Variants in SLC22A14 observed in about 807,000 individuals in gnomAD.
SLC22A14 encodes the protein solute carrier family 22 member 14, also known as organic cation transporter-like 4.
Under a neutral mutation model 53.9 loss-of-function variants are expected in SLC22A14, and 50 were observed. The ratio of observed to expected loss-of-function variants is 0.93; its 90% CI spans 0.74 to 1.17. The LOEUF (loss-of-function observed/expected upper bound fraction) is 1.17. SLC22A14 is among the 50% of genes most tolerant of loss of function. The pLI, the probability that SLC22A14 is intolerant of heterozygous loss-of-function variation, is 0.00. For missense variants in SLC22A14, 671 were observed against 734.7 expected (o/e 0.91, Z 1.00); for synonymous variants, 312 against 303.0 (o/e 1.03, Z -0.31).
Position 38,316,465 on chromosome 3 carries a change from G to C in SLC22A14, c.1674G>C (p.Leu558=), listed in dbSNP as rs778619718. 1 of 1,614,108 alleles carries C rather than the reference G, an allele frequency of 6.2e-7. No homozygotes were observed. Among genetic ancestry groups the C allele is most frequent in the Non-Finnish European group, 8.5e-7 (1 of 1,179,988 alleles). ...TCGTGGCCTTTTCCCTCTCCTCCCT[G>C]CTGCCGGAAACGCGAGATCAGCCCC... The part of the protein sequence containing the change: ...LAIVAFSLSS[L]LPETRDQPLS... The change falls in exon 10 of 11, where the codon CTG becomes CTC. Residue 558 remains leucine, a synonymous_variant. Transcript: ENST00000448498.
chr3:38,306,059 C>G lies in SLC22A14; in HGVS notation c.33C>G (p.Leu11=). 1.2e-6 allele frequency: 2 copies of G among 1,613,662 alleles called. No homozygotes were observed. The highest frequency in any genetic ancestry group is 1.7e-6 in the Non-Finnish European group (2 of 1,179,758). ...GAGAGGAGAACTTCAAGGAAGAGCT[C>G]AGATCCCAGGATGCTTCCAGGAACT... MAGEENFKEE[L]RSQDASRNLN... is the part of the protein sequence containing the mutation. The change falls in exon 2 of 11, where the codon CTC becomes CTG. Residue 11 remains leucine (L), a synonymous_variant. Transcript: ENST00000448498.
At chr3:38,316,019 T>C (rs956600842) in intron 9 of SLC22A14, among the ~76,000 whole-genome samples, 11 of 152,190 alleles carry the variant, frequency 7.2e-5, no homozygotes, top group African/African-American at 2.7e-4. Flanking sequence ...TGGAAAGTGT[T>C]TGGGCCACTT....
chr3:38,314,369 C>A lies in SLC22A14; in HGVS notation c.1378+428C>A, dbSNP rs368769573. On this transcript the variant is annotated intron_variant, in intron 8 of 10. Coordinates refer to ENST00000448498, the MANE Select transcript of SLC22A14 (RefSeq NM_001320033.2). ...TTCCCTGTAGCTTCACCAGGAATAA[C>A]CTGACCACTGAAAAATTGAGTGTAA... Among the ~76,000 whole-genome samples, 27 of 152,342 alleles carry A rather than the reference C, an allele frequency of 1.8e-4. 2 individuals are homozygous for A. The highest frequency in any genetic ancestry group is 1.4e-3 in the Admixed American group (22 of 15,306).
chr3:38,315,121 C>A (rs1403798750), intron 8 of SLC22A14, among the ~76,000 whole-genome samples: 2 of 152,254 alleles, frequency 1.3e-5, no homozygotes, highest in African/African-American at 4.8e-5. Context: ...CCATTCAGGC[C>A]CCAGGAACCA....
rs1217503373 is a variant in SLC22A14, at chr3:38,307,234, T to C, written c.517-20T>C. On this transcript the variant is annotated intron_variant, in intron 2 of 10. Transcript: ENST00000448498. This position sits in a 1 kb window ranked among gnomAD's most constrained non-coding sequence, Gnocchi z 4.4. Reference sequence around the variant, plus strand: ...CCCAAAGGTGGGCACCCGTGGCCAATCTCTGTGTCTGACCCACAGTTTGAC... The same window carrying C: ...CCCAAAGGTGGGCACCCGTGGCCAACCTCTGTGTCTGACCCACAGTTTGAC... 1 of 1,588,936 alleles carries C rather than the reference T, an allele frequency of 6.3e-7. No individual in the cohort carries two copies. The highest frequency in any genetic ancestry group is 2.2e-5 in the East Asian group (1 of 44,746).
At chr3:38,313,554 T>C (rs1047044120) in intron 7 of SLC22A14, 69 bp downstream of exon 7, 1 of 1,216,728 alleles carries the variant, frequency 8.2e-7, no homozygotes, top group African/African-American at 1.5e-5. Flanking sequence ...AGGGAGAGGA[T>C]GGGAATGGTC....
Position 38,312,463 on chromosome 3 carries a change from G to A in SLC22A14, c.945-536G>A, listed in dbSNP as rs575406310. Among the ~76,000 whole-genome samples, 231 of 152,340 alleles carry A rather than the reference G, an allele frequency of 1.5e-3. 6 individuals carry two copies. In the South Asian group the frequency reaches 0.035, roughly 23 times the overall value. The stretch of plus-strand genomic sequence containing the variant: ...AAGTCAAAGGCAATAGAGATGTGGC[G>A]GGGGAGAGATGGGACAGAGTAGAGA... On this transcript the variant is annotated intron_variant, in intron 5 of 10. Coordinates refer to ENST00000448498, the MANE Select transcript of SLC22A14 (RefSeq NM_001320033.2).
At chr3:38,302,202 C>T (rs1236295563) in intron 1 of SLC22A14, among the ~76,000 whole-genome samples, 1 of 146,024 alleles carries the variant, frequency 6.8e-6, no homozygotes, top group Non-Finnish European at 1.5e-5. Context: ...TCACTGCACT[C>T]CAGGCTGGGT....
chr3:38,299,858 G>T (rs955435323), intron 1 of SLC22A14, among the ~76,000 whole-genome samples: 4 of 152,204 alleles, frequency 2.6e-5, no homozygotes, highest in African/African-American at 9.7e-5. Context: ...CACTGCACCA[G>T]TTCTAGTATT....
chr3:38,283,224 A>G (rs184052730), intron 1 of SLC22A14, among the ~76,000 whole-genome samples: 3 of 152,270 alleles, frequency 2.0e-5, no homozygotes, highest in Admixed American at 6.5e-5. Flanking sequence ...ATCCAGGATA[A>G]TCTATTTTAA....
At chr3:38,299,334 C>T (rs1157064375) in intron 1 of SLC22A14, among the ~76,000 whole-genome samples, 1 of 152,178 alleles carries the variant, frequency 6.6e-6, no homozygotes, top group African/African-American at 2.4e-5. Flanking sequence ...TCACCCATTC[C>T]CACCCACTCA....
upstream of SLC22A14, among the ~76,000 whole-genome samples, chr3:38,280,159 G>A (rs551826339): frequency 3.9e-5 from 6 of 152,236 alleles, no homozygotes; most frequent in Non-Finnish European, 7.4e-5. Context: ...GCATGCTGGA[G>A]GACTTTCCAG....
Position 38,306,455 on chromosome 3 carries a change from T to C in SLC22A14, c.429T>C (p.Ser143=), listed in dbSNP as rs1704308299. Residue 143 remains serine, a synonymous_variant, in exon 2 of 11, where the codon TCT becomes TCC. Coordinates refer to ENST00000448498, the MANE Select transcript of SLC22A14 (RefSeq NM_001320033.2). ...TTCCTGTGCCTTGGAATCTGGATTC[T>C]ATCATCCAGTTTGGCCTCAATGACA... ...MYLPVPWNLD[S]IIQFGLNDTD... 1 of 1,614,234 alleles carries C rather than the reference T, an allele frequency of 6.2e-7. No individual in the cohort carries two copies.
chr3:38,280,778 C>T (rs559787260), upstream of SLC22A14, among the ~76,000 whole-genome samples: 6 of 152,226 alleles, frequency 3.9e-5, no homozygotes, highest in South Asian at 6.2e-4. Context: ...TACAGGTGTG[C>T]GCCACTGCGC....
At chr3:38,297,719 AG>A (rs1301607607) in intron 1 of SLC22A14, among the ~76,000 whole-genome samples, 2 of 152,212 alleles carry the variant, frequency 1.3e-5, no homozygotes, top group Non-Finnish European at 2.9e-5. Context: ...CATCATATGC[AG>A]GGGTGTATGA....
At chr3:38,295,670 T>C (rs1315511429) in intron 1 of SLC22A14, among the ~76,000 whole-genome samples, 1 of 152,124 alleles carries the variant, frequency 6.6e-6, no homozygotes, top group Non-Finnish European at 1.5e-5. Flanking sequence ...TATTTTATTT[T>C]ATTTCTATCT....
At chr3:38,279,807 T>C (rs1305604710), upstream of SLC22A14, among the ~76,000 whole-genome samples, 1 of 152,120 alleles carries the variant, frequency 6.6e-6, no homozygotes, top group Admixed American at 6.5e-5. Context: ...TTGATTTTGC[T>C]CCTCAAAGGT....
chr3:38,302,279 C>CATATATATATTTATATAT (rs1575413133), intron 1 of SLC22A14, among the ~76,000 whole-genome samples: 1 of 68,332 alleles, frequency 1.5e-5, no homozygotes, highest in Non-Finnish European at 3.7e-5. Context: ...TTTATATATA[C>CATATATATATTTATATAT]ACATATATAT....
At chr3:38,304,133 G>C (rs1418630694) in intron 1 of SLC22A14, among the ~76,000 whole-genome samples, 2 of 150,208 alleles carry the variant, frequency 1.3e-5, no homozygotes. Context: ...AGAGCTTGCA[G>C]TGAGCCGAGA....
Sources: allele counts gnomAD v4.1 joint callset (sites outside exome capture counted in the v4.1 genomes callset), GRCh38; gene constraint gnomAD v4.1.1; non-coding constraint Gnocchi (gnomAD v3.1); transcripts MANE v1.5; gene names NCBI Gene and HGNC (gene_info 2026-07-23, HGNC 2026-07-21).